OTOP2: variants seen among roughly 807,000 people sequenced by gnomAD.
The protein encoded by OTOP2 is otopetrin 2.
Under a neutral mutation model 47.4 loss-of-function variants are expected in OTOP2, and 41 were observed. The observed-to-expected ratio is 0.87, with a 90% CI of 0.67 to 1.12. OTOP2 has a LOEUF of 1.12. Ranked by LOEUF, OTOP2 falls within the 50% of genes most tolerant of loss-of-function variation. The pLI, the probability that OTOP2 is intolerant of heterozygous loss-of-function variation, is 0.00. For synonymous variants in OTOP2, 328 were observed against 319.6 expected, an observed-to-expected ratio of 1.03 and a Z score of -0.28; for missense variants, 721 against 752.2, an observed-to-expected ratio of 0.96 and a Z score of 0.49.
In OTOP2 at chr17:74,929,570, T is replaced by C. The variant is rs545893501; in HGVS notation, c.644-709T>C. 5.3e-5 allele frequency among the ~76,000 whole-genome samples: 8 copies of C among 152,152 alleles called. No homozygotes were observed. The South Asian group carries it at 1.7e-3, about 32-fold the overall frequency. On this transcript the variant is annotated intron_variant, in intron 5 of 6. Transcript: ENST00000331427. ...CCTCCCGTGTAGCTGGGACTACAGG[T>C]GCATGCCACCAAGCCCAGCTAATTT...
At position 74,931,154 on chromosome 17, in the gene OTOP2, G is replaced by T; in HGVS notation, c.1518+1G>T. 6.3e-7 allele frequency: 1 copy of T among 1,578,970 alleles called. No homozygotes were observed. The highest frequency in any genetic ancestry group is 8.6e-7 in the Non-Finnish European group (1 of 1,159,966). On this transcript the variant is annotated splice_donor_variant, in intron 6 of 6. Transcript: ENST00000331427. LOFTEE classifies it high-confidence loss of function. ...GTTTCTCCTACTCTGCAATGTCATT[G>T]TGAGTAGCTGGGGGGAGAAAGGGTG...
chr17:74,925,406 C>T, intron 2 of OTOP2, 150 bp from the exon 3 acceptor site: 1 of 965,710 alleles, frequency 1.0e-6, no homozygotes, highest in Non-Finnish European at 1.5e-6. Context: ...TGTCCTCCCA[C>T]CCTCCCCATT....
Position 74,933,729 on chromosome 17 carries a change from C to G in OTOP2, c.*184C>G. 1 of 662,912 alleles carries G rather than the reference C, an allele frequency of 1.5e-6. No individual in the cohort carries two copies. Among genetic ancestry groups the G allele is most frequent in the Non-Finnish European group, 2.4e-6 (1 of 413,460 alleles). 41.1% of individuals were successfully genotyped at this position (662,912 alleles called of 1,614,324 possible). On this transcript the variant is annotated 3_prime_UTR_variant, in exon 7 of 7. Coordinates refer to ENST00000331427, the MANE Select transcript of OTOP2 (RefSeq NM_178160.3). This position sits in a 1 kb window ranked among gnomAD's most constrained non-coding sequence, Gnocchi z 4.7. ...TTTTTAAATCACAGTCAGGACAGGC[C>G]CATCCACCCCAGTATGACCGTGGGG... is the stretch of plus-strand genomic sequence containing the variant.
Position 74,924,357 on chromosome 17 carries a change from A to C in OTOP2, c.-34+24A>C. Reference sequence around the variant, plus strand: ...AGGTGGGTGCCCCGGGCCGGAGGGCAGTCGGACTTGGGGAGTGGGGACCTT... The same window carrying C: ...AGGTGGGTGCCCCGGGCCGGAGGGCCGTCGGACTTGGGGAGTGGGGACCTT... On this transcript the variant is annotated intron_variant, in intron 1 of 6. Transcript: ENST00000331427. This position sits in a 1 kb window ranked among gnomAD's most constrained non-coding sequence, Gnocchi z 7.7. 2.5e-6 allele frequency: 1 copy of C among 403,598 alleles called. No individual in the cohort carries two copies. The highest frequency in any genetic ancestry group is 4.3e-5 in the Admixed American group (1 of 23,256). The allele number at this position is 403,598 out of a possible 1,614,324, so 25.0% of individuals were successfully genotyped here. A position where few individuals can be genotyped will look rare whatever the true frequency, so the allele number is the denominator to read the frequency against.
intron 2 of OTOP2, among the ~76,000 whole-genome samples, 183 bp from the exon 3 acceptor site, chr17:74,925,373 G>C (rs2144763378): frequency 6.6e-6 from 1 of 152,130 alleles, no homozygotes; most frequent in East Asian, 1.9e-4. Context: ...TCACCTTTCA[G>C]TCTGTCTATC....
chr17:74,927,071 A>C (rs1479688882), intron 3 of OTOP2, 152 bp from the exon 4 acceptor site: 1 of 774,826 alleles, frequency 1.3e-6, no homozygotes, highest in Non-Finnish European at 2.3e-6. Context: ...CACTGCACCC[A>C]GCCTCCACCT....
Position 74,924,743 on chromosome 17 carries a change from G to A in OTOP2, c.111G>A (p.Val37=), listed in dbSNP as rs774631961. The A allele has an allele frequency of 6.2e-7, 1 of 1,608,606 alleles. No individual in the cohort carries two copies. Among genetic ancestry groups the A allele is most frequent in the Non-Finnish European group, 8.5e-7 (1 of 1,178,136 alleles). The change falls in exon 2 of 7, where the codon GTG becomes GTA. Residue 37 remains valine, a synonymous_variant. Coordinates refer to ENST00000331427, the MANE Select transcript of OTOP2 (RefSeq NM_178160.3). This position sits in a 1 kb window ranked among gnomAD's most constrained non-coding sequence, Gnocchi z 7.7. ...GCCTGCTGTCGGTGCTGCTGGCGGT[G>A]AACGTGCTGCTCCTCGCCTGCACGC... ...GGRLLSVLLA[V]NVLLLACTLI... is the part of the protein sequence containing the mutation.
At position 74,927,957 on chromosome 17, in the gene OTOP2, G is replaced by C. The variant is rs531075306; in HGVS notation, c.643+159G>C. The C allele has an allele frequency of 4.0e-6, 4 of 998,136 alleles. No individual in the cohort carries two copies. The East Asian group carries it at 1.1e-4, about 27-fold the overall frequency. 61.8% of individuals were successfully genotyped at this position (998,136 alleles called of 1,614,324 possible). A position where few individuals can be genotyped will look rare whatever the true frequency, so the allele number is the denominator to read the frequency against. ...TGCAGGATCTACCTCTGCAGTATAG[G>C]TGTAGGTGACCCCAGAAGGGAAGTA... On this transcript the variant is annotated intron_variant, in intron 5 of 6. Coordinates refer to ENST00000331427, the MANE Select transcript of OTOP2 (RefSeq NM_178160.3).
Position 74,933,581 on chromosome 17 carries a change from G to A in OTOP2, c.*36G>A, listed in dbSNP as rs1269743931. ...AGAGGCATGGGGGGCAGGAAGAGGG[G>A]GCTCAGCTCATGTGCCCACTCAGAC... On this transcript the variant is annotated 3_prime_UTR_variant, in exon 7 of 7. Transcript: ENST00000331427. The surrounding 1 kb of genome is among the most constrained non-coding windows in gnomAD (Gnocchi z 4.7). 1.3e-6 allele frequency: 2 copies of A among 1,550,364 alleles called. No individual in the cohort carries two copies. The highest frequency in any genetic ancestry group is 1.8e-6 in the Non-Finnish European group (2 of 1,137,428).
intron 3 of OTOP2, 103 bp downstream of exon 3, chr17:74,925,795 C>A: frequency 6.6e-7 from 1 of 1,511,722 alleles, no homozygotes; most frequent in Non-Finnish European, 9.0e-7. Flanking sequence ...CGCCTCGTAT[C>A]CTGAGCTATT....
In OTOP2 at chr17:74,933,337, T is replaced by C. The variant is rs762926463; in HGVS notation, c.1519-38T>C. ...CACAGAAATGACCCACAGGCATCCA[T>C]CCAGGCCAGCTCCTGAAATGCTCCT... is the stretch of plus-strand genomic sequence containing the variant. On this transcript the variant is annotated intron_variant, in intron 6 of 6. Coordinates refer to ENST00000331427, the MANE Select transcript of OTOP2 (RefSeq NM_178160.3). The surrounding 1 kb of genome is among the most constrained non-coding windows in gnomAD (Gnocchi z 4.7). 1 of 1,575,458 alleles carries C rather than the reference T, an allele frequency of 6.3e-7. No individual in the cohort carries two copies. Among genetic ancestry groups the C allele is most frequent in the Non-Finnish European group, 8.7e-7 (1 of 1,153,438 alleles).
rs370557566 is a variant in OTOP2, at chr17:74,930,915, G to A, written c.1280G>A (p.Arg427Gln). 69 of 1,613,828 alleles carry A rather than the reference G, an allele frequency of 4.3e-5. 1 individual carries two copies. Among genetic ancestry groups the A allele is most frequent in the South Asian group, 3.2e-4 (29 of 91,068 alleles). ...ATGTTTATCATCGAGAGCCTTCACC[G>A]AGGACCGCCCGGGGCTGAGCCTCAC... ...QNMFIIESLH[R>Q]GPPGAEPHST... Residue 427 changes from arginine (R) to glutamine (Q), a missense_variant, in exon 6 of 7, where the codon CGA becomes CAA. By Grantham distance (43) the Arg-to-Gln change is conservative. Coordinates refer to ENST00000331427, the MANE Select transcript of OTOP2 (RefSeq NM_178160.3). The surrounding 1 kb of genome is among the most constrained non-coding windows in gnomAD (Gnocchi z 4.0).
Position 74,927,298 on chromosome 17 carries a change from G to A in OTOP2, c.509+17G>A, listed in dbSNP as rs377334270. 8.8e-5 allele frequency: 142 copies of A among 1,607,942 alleles called. No individual in the cohort carries two copies. In the African/African-American group the frequency reaches 1.4e-3, roughly 16 times the overall value. On this transcript the variant is annotated intron_variant, in intron 4 of 6. Coordinates refer to ENST00000331427, the MANE Select transcript of OTOP2 (RefSeq NM_178160.3). The stretch of plus-strand genomic sequence containing the variant: ...TCTGACCTGGTGAGAACTGCAGCTC[G>A]ATGCCTGTACCCAGCGTGCTGGTGT...
Position 74,924,506 on chromosome 17 carries a change from G to T in OTOP2, c.-33-94G>T. ...AGCACCCGAAGCCCCAACCCTGCGG[G>T]TCAGGAACTCCCTAGTCCCCAAGTC... On this transcript the variant is annotated intron_variant, in intron 1 of 6. Coordinates refer to ENST00000331427, the MANE Select transcript of OTOP2 (RefSeq NM_178160.3). This position sits in a 1 kb window ranked among gnomAD's most constrained non-coding sequence, Gnocchi z 7.7. 1 of 1,190,356 alleles carries T rather than the reference G, an allele frequency of 8.4e-7. No individual in the cohort carries two copies. The highest frequency in any genetic ancestry group is 2.7e-5 in the East Asian group (1 of 37,392). 73.7% of individuals were successfully genotyped at this position (1,190,356 alleles called of 1,614,324 possible). A position where few individuals can be genotyped will look rare whatever the true frequency, so the allele number is the denominator to read the frequency against.
At position 74,933,846 on chromosome 17, in the gene OTOP2, C is replaced by A. The variant is rs2039081604; in HGVS notation, c.*301C>A. On this transcript the variant is annotated 3_prime_UTR_variant, in exon 7 of 7. Transcript: ENST00000331427. The surrounding 1 kb of genome is among the most constrained non-coding windows in gnomAD (Gnocchi z 4.7). The stretch of plus-strand genomic sequence containing the variant: ...TGCCGGCTCTGGTTCCATCTCTAAT[C>A]CCCTGCTGTGGCCTGGCCAGTGTAC... 3.3e-6 allele frequency: 1 copy of A among 299,418 alleles called. No homozygotes were observed. The highest frequency in any genetic ancestry group is 6.3e-6 in the Non-Finnish European group (1 of 158,678). The allele number at this position is 299,418 out of a possible 1,614,324, so 18.5% of individuals were successfully genotyped here.
rs745446779 is a variant in OTOP2, at chr17:74,927,297, C to G, written c.509+16C>G. 1.2e-6 allele frequency: 2 copies of G among 1,608,206 alleles called. No homozygotes were observed. Among genetic ancestry groups the G allele is most frequent in the African/African-American group, 2.7e-5 (2 of 74,770 alleles). ...ATCTGACCTGGTGAGAACTGCAGCT[C>G]GATGCCTGTACCCAGCGTGCTGGTG... On this transcript the variant is annotated intron_variant, in intron 4 of 6. Coordinates refer to ENST00000331427, the MANE Select transcript of OTOP2 (RefSeq NM_178160.3).
rs1386488532 is a variant in OTOP2, at chr17:74,927,815, T to G, written c.643+17T>G. Reference sequence around the variant, plus strand: ...TCTCTGACCGTGAGTTTCCTCTTAATGCTGGCCCTGTGGCTACCAGGCCTT... The same window carrying G: ...TCTCTGACCGTGAGTTTCCTCTTAAGGCTGGCCCTGTGGCTACCAGGCCTT... On this transcript the variant is annotated intron_variant, in intron 5 of 6. Transcript: ENST00000331427. 12 of 1,612,712 alleles carry G rather than the reference T, an allele frequency of 7.4e-6. No individual in the cohort carries two copies. The highest frequency in any genetic ancestry group is 1.7e-4 in the Middle Eastern group (1 of 6,054).
chr17:74,932,355 C>G (rs1338328687), intron 6 of OTOP2, among the ~76,000 whole-genome samples: 1 of 151,610 alleles, frequency 6.6e-6, no homozygotes, highest in Non-Finnish European at 1.5e-5. Context: ...ACCAGTGGCC[C>G]TAACTAAGAG....
chr17:74,924,591 C>G lies in OTOP2; in HGVS notation c.-33-9C>G. On this transcript the variant is annotated splice_polypyrimidine_tract_variant and intron_variant, in intron 1 of 6. Transcript: ENST00000331427. The surrounding 1 kb of genome is among the most constrained non-coding windows in gnomAD (Gnocchi z 7.7). ...TTGACCTGGAGTTTTGTCCGCTCCTCCCCTACAGTGATCCCTCTAGCCTTC... is the reference window on the plus strand; with the variant it reads ...TTGACCTGGAGTTTTGTCCGCTCCTGCCCTACAGTGATCCCTCTAGCCTTC... 6.7e-7 allele frequency: 1 copy of G among 1,487,158 alleles called. No homozygotes were observed. Among genetic ancestry groups the G allele is most frequent in the Non-Finnish European group, 8.9e-7 (1 of 1,121,916 alleles). 92.1% of individuals were successfully genotyped at this position (1,487,158 alleles called of 1,614,324 possible).
Sources: gnomAD v4.1 joint callset for allele counts (sites outside exome capture counted in the v4.1 genomes callset) on GRCh38, gnomAD v4.1.1 for gene constraint, Gnocchi (gnomAD v3.1) non-coding constraint, MANE v1.5 for transcripts, NCBI Gene and HGNC (gene_info 2026-07-23, HGNC 2026-07-21) for gene names.